LRPPRC: variants seen among roughly 807,000 people sequenced by gnomAD.
The protein encoded by LRPPRC is leucine-rich PPR motif-containing protein, mitochondrial.
LRPPRC carries 120 observed loss-of-function variants against 180.3 expected under a neutral mutation model. The ratio of observed to expected loss-of-function variants is 0.67; its 90% confidence interval spans 0.57 to 0.77. The LOEUF is 0.77. LRPPRC is among the 30% of genes least tolerant of loss of function. The pLI, the probability that LRPPRC is intolerant of heterozygous loss-of-function variation, is 0.00. For synonymous variants in LRPPRC, 723 were observed against 600.0 expected, an observed-to-expected ratio of 1.21 and a Z score of -3.00; for missense variants, 2,012 against 1,657.2, an observed-to-expected ratio of 1.21 and a Z score of -3.72.
rs11688719 is a variant in LRPPRC at position 43,886,754 on chromosome 2, C to T, written c.*1846G>A. The T allele has an allele frequency of 1.3e-5, 2 of 152,164 alleles. No homozygotes were observed. Among genetic ancestry groups the T allele is most frequent in the African/African-American group, 4.8e-5 (2 of 41,458 alleles). 9.4% of individuals were successfully genotyped at this position (152,164 alleles called of 1,614,324 possible). A position where few individuals can be genotyped will look rare whatever the true frequency, so the allele number is the denominator to read the frequency against. Reference sequence around the variant, plus strand: ...TTATGCCTCACCTTGGAGACCTATTCTAATGAATGTCAATTAGTGAATGTT... The same window carrying T: ...TTATGCCTCACCTTGGAGACCTATTTTAATGAATGTCAATTAGTGAATGTT... On this transcript the variant is annotated 3_prime_UTR_variant, in exon 38 of 38. Transcript: ENST00000260665.
At chr2:43,901,911 C>G (rs1325833311) in intron 31 of LRPPRC, 1 of 175,904 alleles carries the variant, frequency 5.7e-6, no homozygotes, top group Non-Finnish European at 1.2e-5. Flanking sequence ...CAGATTTTAA[C>G]TCGAAGATTA....
chr2:43,911,338 AAC>A (rs1671248446), intron 30 of LRPPRC, among the ~76,000 whole-genome samples: 1 of 151,938 alleles, frequency 6.6e-6, no homozygotes, highest in Non-Finnish European at 1.5e-5. Flanking sequence ...TCAACATTAA[AAC>A]ACAGACACTA....
chr2:43,970,707 G>A (rs1191354945), intron 11 of LRPPRC, among the ~76,000 whole-genome samples: 1 of 152,206 alleles, frequency 6.6e-6, no homozygotes, highest in East Asian at 1.9e-4. Flanking sequence ...TATATGATTT[G>A]CCTGAACAAC....
chr2:43,983,644 TAAC>T (rs1674406826), intron 1 of LRPPRC, among the ~76,000 whole-genome samples: 2 of 152,170 alleles, frequency 1.3e-5, no homozygotes, highest in Admixed American at 6.5e-5. Context: ...ATACACTATA[TAAC>T]AACTAAGTAT....
intron 23 of LRPPRC, among the ~76,000 whole-genome samples, chr2:43,942,984 T>C (rs538925807): frequency 6.6e-6 from 1 of 152,116 alleles, no homozygotes; most frequent in East Asian, 1.9e-4. Context: ...TTACAAACTA[T>C]GTTAAGCTAT....
intron 1 of LRPPRC, among the ~76,000 whole-genome samples, chr2:43,987,276 A>C (rs547259588): frequency 6.6e-6 from 1 of 152,148 alleles, no homozygotes; most frequent in South Asian, 2.1e-4. Flanking sequence ...CGGGCAGATC[A>C]CGAGGTCAGG....
intron 11 of LRPPRC, among the ~76,000 whole-genome samples, chr2:43,971,087 C>T (rs1277934884): frequency 2.8e-5 from 4 of 144,760 alleles, no homozygotes; most frequent in South Asian, 4.2e-4. Flanking sequence ...ACAACAAGAG[C>T]GAAACTGTGT....
At position 43,887,725 on chromosome 2, in the gene LRPPRC, A is replaced by C. The variant is rs1164493037; in HGVS notation, c.*875T>G. On this transcript the variant is annotated 3_prime_UTR_variant, in exon 38 of 38. Coordinates refer to ENST00000260665, the MANE Select transcript of LRPPRC (RefSeq NM_133259.4). ...TTTGAAGTCACTACTTACAGTGTAG[A>C]TATTAACAGGCATGAGATTCAATAT... The C allele has an allele frequency of 2.0e-5, 3 of 152,330 alleles. No homozygotes were observed. The highest frequency in any genetic ancestry group is 4.1e-4 in the South Asian group (2 of 4,826). The allele number at this position is 152,330 out of a possible 1,614,324, so 9.4% of individuals were successfully genotyped here. A position where few individuals can be genotyped will look rare whatever the true frequency, so the allele number is the denominator to read the frequency against.
chr2:43,973,358 T>C (rs1228203601), intron 11 of LRPPRC, among the ~76,000 whole-genome samples: 1 of 152,160 alleles, frequency 6.6e-6, no homozygotes, highest in Admixed American at 6.5e-5. Flanking sequence ...ACTACGTTCA[T>C]TAAGTTTGAA....
chr2:43,926,670 C>G (rs746743337), intron 25 of LRPPRC, among the ~76,000 whole-genome samples: 2 of 152,172 alleles, frequency 1.3e-5, no homozygotes, highest in Non-Finnish European at 2.9e-5. Flanking sequence ...CCTGACTGCA[C>G]GTGCTCTTTC....
intron 13 of LRPPRC, chr2:43,958,841 A>G (rs1041159794): frequency 6.0e-5 from 12 of 200,328 alleles, no homozygotes; most frequent in Non-Finnish European, 1.1e-4. Flanking sequence ...CTCTTCAAAG[A>G]CTTGTAAATC....
rs746244141 is a variant in LRPPRC, at chr2:43,982,363, A to C, written c.221T>G (p.Phe74Cys). ...KEKDIQEEST[F>C]SSRKISNQFD... The stretch of plus-strand genomic sequence containing the variant: ...CTGATTGGAAATCTTCCTAGAAGAA[A>C]AAGTGGACTCCTCTTGAATATCTTT... The change falls in exon 2 of 38, where the codon TTT becomes TGT. Residue 74 changes from phenylalanine to cysteine, a missense_variant. Physicochemically the swap from Phe to Cys is radical, Grantham distance 205. Transcript: ENST00000260665. 1.2e-6 allele frequency: 2 copies of C among 1,614,072 alleles called. No individual in the cohort carries two copies. The highest frequency in any genetic ancestry group is 8.5e-7 in the Non-Finnish European group (1 of 1,179,898).
Position 43,899,269 on chromosome 2 carries a change from G to T in LRPPRC, c.3775C>A (p.Leu1259Ile), listed in dbSNP as rs747533693. ...AIYKPVTDFF[L>I]QLVDAGKVDD... ...ACCTTGCCTGCATCCACAAGTTGAAGGAAAAAATCAGTGACAGGTTTATAA... is the reference window on the plus strand; with the variant it reads ...ACCTTGCCTGCATCCACAAGTTGAATGAAAAAATCAGTGACAGGTTTATAA... Residue 1259 changes from leucine to isoleucine, a missense_variant, in exon 34 of 38, where the codon CTT (leucine) becomes ATT (isoleucine). By Grantham distance (5) the Leu-to-Ile change is conservative. Coordinates refer to ENST00000260665, the MANE Select transcript of LRPPRC (RefSeq NM_133259.4). The T allele has an allele frequency of 6.2e-7, 1 of 1,613,970 alleles. No homozygotes were observed.
chr2:43,889,672 T>G, intron 37 of LRPPRC, 62 bp downstream of exon 37: 1 of 1,262,826 alleles, frequency 7.9e-7, no homozygotes, highest in Non-Finnish European at 1.2e-6. Context: ...TTCTTACACA[T>G]TGTTATGAAG....
chr2:43,915,232 T>TCTCTCTCTCTCTCTCACA (rs1174216406), intron 29 of LRPPRC, among the ~76,000 whole-genome samples: 33 of 51,826 alleles, frequency 6.4e-4, no homozygotes, highest in Non-Finnish European at 9.7e-4. Flanking sequence ...TCTCTCTCTC[T>TCTCTCTCTCTCTCTCACA]CACACACACA....
intron 35 of LRPPRC, among the ~76,000 whole-genome samples, chr2:43,895,868 A>G (rs1241696320): frequency 1.3e-5 from 2 of 152,170 alleles, no homozygotes; most frequent in Non-Finnish European, 2.9e-5. Context: ...TTTTATACTT[A>G]CAGTTAAACA....
At chr2:43,921,889 G>A (rs1671712410) in intron 27 of LRPPRC, among the ~76,000 whole-genome samples, 1 of 152,152 alleles carries the variant, frequency 6.6e-6, no homozygotes, top group Non-Finnish European at 1.5e-5. Context: ...TTTTTAAATA[G>A]ATTCAAAGAA....
chr2:43,963,487 T>C (rs552226609), intron 12 of LRPPRC, 101 bp downstream of exon 12: 84 of 813,340 alleles, frequency 1.0e-4, no homozygotes, highest in African/African-American at 9.9e-4. Flanking sequence ...TTTGACCATT[T>C]TGAGTCCTCA....
At chr2:43,963,808 A>C in intron 11 of LRPPRC, 102 bp from the exon 12 acceptor site, 1 of 780,114 alleles carries the variant, frequency 1.3e-6, no homozygotes, top group Non-Finnish European at 2.3e-6. Context: ...CAGTATAAGA[A>C]AATTACTCAG....
Sources: allele counts gnomAD v4.1 joint callset (sites outside exome capture counted in the v4.1 genomes callset), GRCh38; gene constraint gnomAD v4.1.1; transcripts MANE v1.5; gene names NCBI Gene and HGNC (gene_info 2026-07-23, HGNC 2026-07-21).